IL34: variants seen among roughly 807,000 people sequenced by gnomAD.
IL34 encodes interleukin 34.
Under a neutral mutation model 25.3 loss-of-function variants are expected in IL34, and 17 were observed. The ratio of observed to expected loss-of-function variants is 0.67; its 90% confidence interval spans 0.46 to 1.01. The LOEUF is 1.01. Ranked by LOEUF, IL34 falls within the 50% of genes least tolerant of loss-of-function variation. IL34 has a pLI of 0.00. For synonymous variants in IL34, 174 were observed against 140.9 expected (o/e 1.23, Z -1.66); for missense variants, 368 against 312.9 (o/e 1.18, Z -1.33).
chr16:70,584,261 G>A (rs116107321), intron 1 of IL34, among the ~76,000 whole-genome samples: 6 of 152,284 alleles, frequency 3.9e-5, no homozygotes, highest in African/African-American at 1.4e-4. Context: ...GTGTCCCCTG[G>A]GAACTGGGCT....
chr16:70,584,079 G>A (rs2050664612), intron 1 of IL34, among the ~76,000 whole-genome samples: 1 of 152,234 alleles, frequency 6.6e-6, no homozygotes, highest in South Asian at 2.1e-4. Context: ...CCAGCCGTAG[G>A]AGGGAGAGAC....
At chr16:70,624,582 G>C in intron 1 of IL34, among the ~76,000 whole-genome samples, 1 of 152,150 alleles carries the variant, frequency 6.6e-6, no homozygotes, top group Non-Finnish European at 1.5e-5. Context: ...AACTGGGCTG[G>C]ATTTTTATAT....
intron 1 of IL34, among the ~76,000 whole-genome samples, chr16:70,641,192 G>A (rs979652403): frequency 1.3e-5 from 2 of 152,056 alleles, no homozygotes; most frequent in African/African-American, 4.8e-5. Context: ...GGAATCACTT[G>A]GACCTGGGAG....
intron 1 of IL34, among the ~76,000 whole-genome samples, chr16:70,634,039 C>G (rs568344843): frequency 1.3e-4 from 19 of 151,974 alleles, no homozygotes; most frequent in African/African-American, 3.1e-4. Flanking sequence ...TTAGTAGAGA[C>G]GGGGTTTCAC....
intron 1 of IL34, among the ~76,000 whole-genome samples, chr16:70,647,685 G>A (rs2051974375): frequency 6.6e-6 from 1 of 152,182 alleles, no homozygotes; most frequent in Non-Finnish European, 1.5e-5. Flanking sequence ...GCTGTCTCGT[G>A]CCTCTGTCTC....
intron 1 of IL34, among the ~76,000 whole-genome samples, chr16:70,640,059 G>A (rs1446055706): frequency 6.6e-6 from 1 of 152,184 alleles, no homozygotes; most frequent in Non-Finnish European, 1.5e-5. Context: ...AAAAACTTTA[G>A]AAAGAATAAA....
chr16:70,580,478 T>C (rs2050624684), intron 1 of IL34, among the ~76,000 whole-genome samples: 1 of 152,246 alleles, frequency 6.6e-6, no homozygotes, highest in South Asian at 2.1e-4. Context: ...TGTATTACTT[T>C]ATCAAAAATT....
upstream of IL34, among the ~76,000 whole-genome samples, chr16:70,645,121 G>A (rs201027767): frequency 2.0e-4 from 29 of 144,570 alleles, no homozygotes; most frequent in East Asian, 6.3e-4. Flanking sequence ...AGGAAGAAGA[G>A]GGAGGAAGGA....
At chr16:70,596,951 T>C (rs7197333) in intron 1 of IL34, among the ~76,000 whole-genome samples, 15,270 of 151,902 alleles carry the variant, frequency 0.1, 1,867 homozygotes, top group African/African-American at 0.27. Context: ...CCCATAATAC[T>C]CCATTGCCTC....
Position 70,626,009 on chromosome 16 carries a change from C to G in IL34, c.-400-20539C>G, listed in dbSNP as rs531566839. On this transcript the variant is annotated intron_variant, in intron 1 of 6. Coordinates refer to the IL34 transcript ENST00000429149. ...GGTCCCCCGATCCGAGTCACGGCAC[C>G]GAATTTCATGCGCGTCCATGAGAAG... 2.0e-5 allele frequency among the ~76,000 whole-genome samples: 3 copies of G among 152,296 alleles called. No individual in the cohort carries two copies. The East Asian group carries it at 5.8e-4, about 29-fold the overall frequency.
At chr16:70,609,408 C>T (rs1043285598) in intron 1 of IL34, among the ~76,000 whole-genome samples, 15 of 152,288 alleles carry the variant, frequency 9.8e-5, no homozygotes, top group African/African-American at 3.4e-4. Flanking sequence ...TCTTATGCCA[C>T]AGCTCGCAAG....
chr16:70,650,750 ACT>A (rs532052497), intron 1 of IL34, among the ~76,000 whole-genome samples: 57 of 152,254 alleles, frequency 3.7e-4, no homozygotes, highest in South Asian at 2.7e-3. Context: ...AGAAAGGTAG[ACT>A]CTCTGCATCC....
chr16:70,587,636 T>C (rs2050710197), intron 1 of IL34, among the ~76,000 whole-genome samples: 1 of 151,840 alleles, frequency 6.6e-6, no homozygotes, highest in Admixed American at 6.6e-5. Flanking sequence ...AGAGTCACCA[T>C]GCCTCTCCAG....
chr16:70,611,978 A>G (rs1041213346), intron 1 of IL34, among the ~76,000 whole-genome samples: 4 of 152,200 alleles, frequency 2.6e-5, no homozygotes, highest in Non-Finnish European at 5.9e-5. Flanking sequence ...GCAGTGAGCC[A>G]TGATTGCACC....
chr16:70,602,676 A>G (rs2050937318), intron 1 of IL34, among the ~76,000 whole-genome samples: 1 of 151,318 alleles, frequency 6.6e-6, no homozygotes, highest in Admixed American at 6.6e-5. Flanking sequence ...ATTAAATGAC[A>G]TAAAGTGACT....
At chr16:70,656,526 A>C (rs1276701059) in intron 2 of IL34, 76 bp from the exon 3 acceptor site, 1 of 844,698 alleles carries the variant, frequency 1.2e-6, no homozygotes, top group African/African-American at 1.6e-5. Context: ...GTTAAAAAAA[A>C]CATCATTTGG....
chr16:70,596,103 G>T (rs567508682), intron 1 of IL34, among the ~76,000 whole-genome samples: 7 of 152,076 alleles, frequency 4.6e-5, no homozygotes, highest in African/African-American at 1.2e-4. Flanking sequence ...AGATCAAGGC[G>T]CTGACAGATT....
chr16:70,582,286 C>T (rs1353139701), intron 1 of IL34, among the ~76,000 whole-genome samples: 3 of 152,234 alleles, frequency 2.0e-5, no homozygotes, highest in African/African-American at 7.2e-5. Context: ...ATCTGGATGC[C>T]ACCATTCTTA....
At chr16:70,638,788 C>A (rs895444702) in intron 1 of IL34, among the ~76,000 whole-genome samples, 4 of 152,078 alleles carry the variant, frequency 2.6e-5, no homozygotes, top group African/African-American at 9.7e-5. Flanking sequence ...CTCTATGTTG[C>A]CCAGGCTGGT....
Sources: gnomAD v4.1 joint callset for allele counts (sites outside exome capture counted in the v4.1 genomes callset) on GRCh38, gnomAD v4.1.1 for gene constraint, MANE v1.5 for transcripts, NCBI Gene and HGNC (gene_info 2026-07-23, HGNC 2026-07-21) for gene names.